Variants in ACAD11 observed in about 807,000 individuals in gnomAD.
ACAD11 encodes acyl-CoA dehydrogenase family member 11, also known as acyl-Coenzyme A dehydrogenase family, member 11.
ACAD11 carries 83 observed loss-of-function variants against 102.2 expected under a neutral mutation model. The observed-to-expected ratio is 0.81, with a 90% CI of 0.68 to 0.97. The LOEUF (loss-of-function observed/expected upper bound fraction) is 0.97, where lower values mean the gene tolerates loss of function less well. Ranked by LOEUF, ACAD11 falls within the 50% of genes least tolerant of loss-of-function variation. The pLI is 0.00. For missense variants in ACAD11, 901 were observed against 951.7 expected, an observed-to-expected ratio of 0.95 and a Z score of 0.70; for synonymous variants, 324 against 319.8, an observed-to-expected ratio of 1.01 and a Z score of -0.14.
At chr3:132,623,674 T>C (rs1939691785) in intron 9 of ACAD11, among the ~76,000 whole-genome samples, 1 of 152,242 alleles carries the variant, frequency 6.6e-6, no homozygotes, top group South Asian at 2.1e-4. Context: ...TTTTTATTTA[T>C]CTTAAAGCAC....
intron 14 of ACAD11, 91 bp downstream of exon 14, chr3:132,579,401 G>A: frequency 9.7e-7 from 1 of 1,029,418 alleles, no homozygotes; most frequent in Admixed American, 2.1e-5. Context: ...TGATTTGTGA[G>A]TCCAAACAGT....
At chr3:132,568,801 CAAAAAAAAA>C (rs755568917) in intron 17 of ACAD11, among the ~76,000 whole-genome samples, 6 of 68,678 alleles carry the variant, frequency 8.7e-5, no homozygotes, top group South Asian at 4.8e-4. Context: ...CATCCACAGG[CAAAAAAAAA>C]AAAAAAAAAA....
intron 17 of ACAD11, among the ~76,000 whole-genome samples, chr3:132,567,629 T>G (rs1937253466): frequency 6.6e-6 from 1 of 152,168 alleles, no homozygotes; most frequent in African/African-American, 2.4e-5. Context: ...ATATCAGTTA[T>G]TATAAAGACA....
intron 1 of ACAD11, among the ~76,000 whole-genome samples, chr3:132,658,305 T>A (rs917744488): frequency 6.6e-6 from 1 of 152,228 alleles, no homozygotes; most frequent in Non-Finnish European, 1.5e-5. Flanking sequence ...CAGAGTTCCA[T>A]ATATATTTAT....
At chr3:132,588,398 AAT>A (rs1233091662) in intron 13 of ACAD11, among the ~76,000 whole-genome samples, 11 of 152,202 alleles carry the variant, frequency 7.2e-5, no homozygotes, top group Admixed American at 7.2e-4. Context: ...TTAATATTTG[AAT>A]ACAAATATAC....
intron 4 of ACAD11, among the ~76,000 whole-genome samples, chr3:132,640,533 C>G (rs1013882273): frequency 6.6e-6 from 1 of 152,110 alleles, no homozygotes; most frequent in Non-Finnish European, 1.5e-5. Context: ...CAGGTGGGAC[C>G]ATATTGTTTA....
chr3:132,605,043 A>C, intron 12 of ACAD11, 55 bp downstream of exon 12: 2 of 1,384,242 alleles, frequency 1.4e-6, no homozygotes, highest in South Asian at 2.5e-5. Context: ...CAGCTCATCC[A>C]TAATAACTCC....
chr3:132,659,551 A>G, intron 1 of ACAD11, 52 bp downstream of exon 1: 2 of 1,605,658 alleles, frequency 1.2e-6, no homozygotes, highest in Non-Finnish European at 8.5e-7. Flanking sequence ...AAAGGAAGGA[A>G]AACTCAATGT....
intron 12 of ACAD11, 26 bp downstream of exon 12, chr3:132,605,072 A>G (rs1376419412): frequency 8.4e-6 from 13 of 1,541,540 alleles, no homozygotes; most frequent in Non-Finnish European, 1.2e-5. Context: ...TGACTACACA[A>G]GGAGAGAATG....
intron 1 of ACAD11, among the ~76,000 whole-genome samples, chr3:132,653,589 T>A (rs917935448): frequency 6.6e-6 from 1 of 152,118 alleles, no homozygotes; most frequent in Admixed American, 6.6e-5. Flanking sequence ...TTGACCTCAC[T>A]TCCCCCCTAC....
chr3:132,571,959 A>T (rs1165897688), intron 17 of ACAD11, among the ~76,000 whole-genome samples: 3 of 152,220 alleles, frequency 2.0e-5, no homozygotes, highest in African/African-American at 7.2e-5. Context: ...AGCAAACATC[A>T]TACTGAATGG....
chr3:132,616,767 C>T (rs1939422917), intron 11 of ACAD11, among the ~76,000 whole-genome samples: 1 of 152,174 alleles, frequency 6.6e-6, no homozygotes, highest in Non-Finnish European at 1.5e-5. Context: ...AATAGCCTTA[C>T]ACAGTTGAGA....
chr3:132,659,799 G>A lies in ACAD11; in HGVS notation c.-48C>T, dbSNP rs756905752. 3.2e-6 allele frequency: 5 copies of A among 1,540,020 alleles called. No individual in the cohort carries two copies. The South Asian group carries it at 3.7e-5, about 11-fold the overall frequency. ...AACGCGGCATCCACAGGTCTCGAGTGCCGAAGTCCTTCAGGATTGGGGCAA... is the reference window on the plus strand; with the variant it reads ...AACGCGGCATCCACAGGTCTCGAGTACCGAAGTCCTTCAGGATTGGGGCAA... On this transcript the variant is annotated 5_prime_UTR_variant, in exon 1 of 20. Coordinates refer to ENST00000264990, the MANE Select transcript of ACAD11 (RefSeq NM_032169.5).
intron 13 of ACAD11, among the ~76,000 whole-genome samples, chr3:132,599,073 G>A (rs942624090): frequency 3.9e-5 from 6 of 152,268 alleles, no homozygotes; most frequent in South Asian, 2.1e-4. Flanking sequence ...AACTCTTTGC[G>A]AGGCCAAGGC....
intron 11 of ACAD11, among the ~76,000 whole-genome samples, chr3:132,612,540 A>G (rs1202702820): frequency 6.6e-6 from 1 of 152,022 alleles, no homozygotes; most frequent in Admixed American, 6.6e-5. Context: ...AAAAAAACAA[A>G]CAACCCCATC....
intron 13 of ACAD11, among the ~76,000 whole-genome samples, chr3:132,595,966 C>CACAT (rs2107813334): frequency 6.6e-6 from 1 of 152,214 alleles, no homozygotes; most frequent in Non-Finnish European, 1.5e-5. Context: ...ATTATAAAGA[C>CACAT]ACATGCATGC....
intron 4 of ACAD11, among the ~76,000 whole-genome samples, chr3:132,640,293 T>C (rs149956046): frequency 0.014 from 2,074 of 152,178 alleles, 58 homozygotes; most frequent in African/African-American, 0.048. Flanking sequence ...TTTCACCATA[T>C]TGGTCAAGCT....
intron 13 of ACAD11, among the ~76,000 whole-genome samples, chr3:132,586,507 T>C (rs1234568786): frequency 6.6e-6 from 1 of 151,870 alleles, no homozygotes; most frequent in East Asian, 1.9e-4. Flanking sequence ...AAAAACCACA[T>C]GCATTAAATT....
rs1451266342 is a variant in ACAD11, at chr3:132,603,256, T to C, written c.1594A>G (p.Ile532Val). Reference protein sequence around the residue: ...SIQRDEDSYVINGKKWWSSGA... With the variant: ...SIQRDEDSYVVNGKKWWSSGA... ...CTGCTCCACCATTTTTTGCCGTTAATTACATAGCTATCTTCATCTCGTTGG... is the reference window on the plus strand; with the variant it reads ...CTGCTCCACCATTTTTTGCCGTTAACTACATAGCTATCTTCATCTCGTTGG... The change falls in exon 13 of 20, where the codon ATT (isoleucine) becomes GTT (valine). Residue 532 changes from isoleucine to valine, a missense_variant. Physicochemically the swap from Ile to Val is conservative, Grantham distance 29. Transcript: ENST00000264990. 1.2e-6 allele frequency: 2 copies of C among 1,613,994 alleles called. No individual in the cohort carries two copies. Among genetic ancestry groups the C allele is most frequent in the African/African-American group, 2.7e-5 (2 of 74,944 alleles).
Sources: gnomAD v4.1 joint callset for allele counts (sites outside exome capture counted in the v4.1 genomes callset) on GRCh38, gnomAD v4.1.1 for gene constraint, MANE v1.5 for transcripts, NCBI Gene and HGNC (gene_info 2026-07-23, HGNC 2026-07-21) for gene names.